Variants in TMEM131 observed in about 807,000 individuals in gnomAD.
TMEM131 encodes 2610524E03Rik.
A neutral mutation model predicts 211.6 loss-of-function variants in TMEM131; 66 were observed. That is an observed-to-expected ratio of 0.31 (90% CI 0.26 to 0.38). TMEM131 has a LOEUF of 0.38. Among genes scored for constraint, TMEM131 ranks in the 10% least tolerant of loss-of-function variants. TMEM131 has a pLI of 1.00. For synonymous variants in TMEM131, 844 were observed against 841.3 expected, an observed-to-expected ratio of 1.00 and a Z score of -0.06; for missense variants, 2,036 against 2,299.3, an observed-to-expected ratio of 0.89 and a Z score of 2.34.
intron 1 of TMEM131, among the ~76,000 whole-genome samples, chr2:97,990,921 A>C (rs982971841): frequency 6.6e-5 from 10 of 152,226 alleles, no homozygotes; most frequent in African/African-American, 2.4e-4. Context: ...AGTCCTAATA[A>C]AGGCTGTCAA....
intron 11 of TMEM131, among the ~76,000 whole-genome samples, chr2:97,829,433 T>C (rs1682554019): frequency 6.6e-6 from 1 of 152,118 alleles, no homozygotes; most frequent in Non-Finnish European, 1.5e-5. Context: ...AATGCACTAA[T>C]CAGCACTCTG....
intron 4 of TMEM131, among the ~76,000 whole-genome samples, chr2:97,881,111 C>T (rs1343834869): frequency 2.0e-5 from 3 of 152,190 alleles, no homozygotes; most frequent in Non-Finnish European, 2.9e-5. Flanking sequence ...GACCAGTTGC[C>T]TTTCATGACT....
intron 1 of TMEM131, among the ~76,000 whole-genome samples, chr2:97,983,460 C>T (rs1254207409): frequency 3.3e-5 from 5 of 152,150 alleles, no homozygotes; most frequent in Non-Finnish European, 7.4e-5. Flanking sequence ...CCTGTCTAGG[C>T]GCCACTAAGG....
chr2:97,954,806 C>CAAAAAAAAAAAA (rs778680522), intron 1 of TMEM131, among the ~76,000 whole-genome samples: 1 of 37,058 alleles, frequency 2.7e-5, no homozygotes, highest in Non-Finnish European at 4.7e-5. Flanking sequence ...AACTCCATCT[C>CAAAAAAAAAAAA]AAAAAAAAAA....
rs531485304 is a variant in TMEM131 at position 97,784,747 on chromosome 2, G to T, written c.4144+7639C>A. Among the ~76,000 whole-genome samples the T allele has an allele frequency of 1.5e-4, 23 of 152,130 alleles. No individual in the cohort carries two copies. In the South Asian group the frequency reaches 4.8e-3, roughly 32 times the overall value. Reference sequence around the variant, plus strand: ...TAAGCAGGACAAAGATAATAACAAAGATAAGAACAGAAGGCGCTGTGATTG... The same window carrying T: ...TAAGCAGGACAAAGATAATAACAAATATAAGAACAGAAGGCGCTGTGATTG... On this transcript the variant is annotated intron_variant, in intron 31 of 40. Transcript: ENST00000186436.
intron 1 of TMEM131, among the ~76,000 whole-genome samples, chr2:97,935,483 T>C (rs1398356740): frequency 1.3e-5 from 2 of 152,208 alleles, no homozygotes; most frequent in African/African-American, 2.4e-5. Flanking sequence ...ACCTGCTCAA[T>C]AGTTTATCTT....
At chr2:97,886,627 C>T (rs932319168) in intron 4 of TMEM131, among the ~76,000 whole-genome samples, 1 of 152,156 alleles carries the variant, frequency 6.6e-6, no homozygotes, top group Non-Finnish European at 1.5e-5. Flanking sequence ...GGTGGGCTCA[C>T]AAGGCTGTTT....
intron 4 of TMEM131, among the ~76,000 whole-genome samples, chr2:97,860,955 A>C (rs1423115150): frequency 2.6e-5 from 4 of 152,188 alleles, no homozygotes; most frequent in Non-Finnish European, 5.9e-5. Context: ...GCAGCAGCCA[A>C]GTGGCACAGA....
chr2:97,881,524 T>TA lies in TMEM131; in HGVS notation c.359+6527dup, dbSNP rs892733651. Among the ~76,000 whole-genome samples the TA allele has an allele frequency of 6.6e-5, 10 of 150,694 alleles. 1 individual carries two copies. The highest frequency in any genetic ancestry group is 4.2e-4 in the South Asian group (2 of 4,748). ...CATCTGGCTGTGACTCTTTTTAGAG[T>TA]AAAAAAAACAATCCTTCCCCAGAAA... On this transcript the variant is annotated intron_variant, in intron 4 of 40. Coordinates refer to ENST00000186436, the MANE Select transcript of TMEM131 (RefSeq NM_015348.2).
At chr2:97,924,052 C>T (rs753521585) in intron 2 of TMEM131, among the ~76,000 whole-genome samples, 1 of 151,876 alleles carries the variant, frequency 6.6e-6, no homozygotes, top group Non-Finnish European at 1.5e-5. Context: ...CGCGCTCCAG[C>T]CTGGGTGACA....
intron 26 of TMEM131, 48 bp downstream of exon 26, chr2:97,797,317 T>A (rs1002515695): frequency 5.1e-5 from 76 of 1,499,576 alleles, no homozygotes; most frequent in Non-Finnish European, 6.5e-5. Flanking sequence ...AGTGAGGACT[T>A]CTAAGTAAGT....
At chr2:97,770,739 A>G (rs1679429374) in intron 33 of TMEM131, among the ~76,000 whole-genome samples, 1 of 152,202 alleles carries the variant, frequency 6.6e-6, no homozygotes. Context: ...GCTAATCAAC[A>G]GGGCCAATTT....
chr2:97,861,263 G>C (rs1475419051), intron 4 of TMEM131, among the ~76,000 whole-genome samples: 2 of 151,920 alleles, frequency 1.3e-5, no homozygotes, highest in East Asian at 1.9e-4. Flanking sequence ...AGTAGACTTG[G>C]GGGGCATGCA....
Position 97,766,133 on chromosome 2 carries a change from T to C in TMEM131, c.4704A>G (p.Pro1568=). 1 of 1,614,056 alleles carries C rather than the reference T, an allele frequency of 6.2e-7. No homozygotes were observed. Among genetic ancestry groups the C allele is most frequent in the Non-Finnish European group, 8.5e-7 (1 of 1,179,892 alleles). ...ACTTACAGCTGCCAGGTTTGTGAAC[T>C]GGAACGGAATCCCACTCCGGTGGAG... ...DSPPPEWDSV[P]VHKPGSSTDS... The change falls in exon 35 of 41, where the codon CCA becomes CCG. Residue 1568 remains proline (P), a synonymous_variant. Coordinates refer to ENST00000186436, the MANE Select transcript of TMEM131 (RefSeq NM_015348.2).
Position 97,760,911 on chromosome 2 carries a change from G to A in TMEM131, c.4893C>T (p.Asp1631=). Residue 1631 remains aspartate (D), a synonymous_variant, in exon 37 of 41, where the codon GAC becomes GAT. Transcript: ENST00000186436. ...SSIVNSSSSS[D]PKIKQPNGSK... is the part of the protein sequence containing the mutation. ...TTCCATTTGGCTGTTTTATTTTAGG[G>A]TCACTTGAAAAAGAAGCAAAGAGAG... 6.2e-7 allele frequency: 1 copy of A among 1,613,918 alleles called. No individual in the cohort carries two copies. The highest frequency in any genetic ancestry group is 1.1e-5 in the South Asian group (1 of 91,082).
At chr2:97,935,333 C>T (rs1677397410) in intron 1 of TMEM131, among the ~76,000 whole-genome samples, 1 of 151,998 alleles carries the variant, frequency 6.6e-6, no homozygotes, top group South Asian at 2.1e-4. Context: ...CAAGATATTG[C>T]CATTGGGAGG....
intron 32 of TMEM131, among the ~76,000 whole-genome samples, chr2:97,773,384 A>G (rs939339920): frequency 1.3e-5 from 2 of 152,212 alleles, no homozygotes; most frequent in Non-Finnish European, 2.9e-5. Flanking sequence ...GACAGACGCC[A>G]GCATGGACCT....
chr2:97,927,373 A>T, intron 2 of TMEM131, 53 bp downstream of exon 2: 1 of 1,323,604 alleles, frequency 7.6e-7, no homozygotes, highest in Non-Finnish European at 1.0e-6. Flanking sequence ...AAAAATAATA[A>T]CCAGATATTA....
chr2:97,827,492 A>C, intron 11 of TMEM131: 1 of 1,082,256 alleles, frequency 9.2e-7, no homozygotes. Context: ...GGGGAAACGA[A>C]AACTGAGGAG....
Sources: allele counts gnomAD v4.1 joint callset (sites outside exome capture counted in the v4.1 genomes callset), GRCh38; gene constraint gnomAD v4.1.1; transcripts MANE v1.5; gene names NCBI Gene and HGNC (gene_info 2026-07-23, HGNC 2026-07-21).